The following FBRSL1 variants were observed in gnomAD, a reference collection of about 807,000 sequenced individuals.
The protein encoded by FBRSL1 is fibrosin like 1, also known as fibrosin-1-like protein.
Under a neutral mutation model 89.6 loss-of-function variants are expected in FBRSL1, and 51 were observed. The ratio of observed to expected loss-of-function variants is 0.57; its 90% confidence interval spans 0.45 to 0.72. The LOEUF (loss-of-function observed/expected upper bound fraction) is 0.72, where lower values mean the gene tolerates loss of function less well. Ranked by LOEUF, FBRSL1 falls within the 30% of genes least tolerant of loss-of-function variation. The pLI, the probability that FBRSL1 is intolerant of heterozygous loss-of-function variation, is 0.00. For missense variants in FBRSL1, 1,618 were observed against 1,451.8 expected, an observed-to-expected ratio of 1.11 and a Z score of -1.86; for synonymous variants, 779 against 681.1, an observed-to-expected ratio of 1.14 and a Z score of -2.24.
chr12:132,503,061 G>C (rs1027857643), intron 1 of FBRSL1, among the ~76,000 whole-genome samples: 2 of 151,918 alleles, frequency 1.3e-5, no homozygotes, highest in African/African-American at 4.8e-5. Flanking sequence ...GCTCCCAAGG[G>C]GTGGAGTGCA....
intron 3 of FBRSL1, 102 bp from the exon 4 acceptor site, chr12:132,527,851 G>A (rs2035932578): frequency 1.8e-6 from 2 of 1,109,862 alleles, no homozygotes; most frequent in Admixed American, 2.0e-5. Flanking sequence ...GGGCTGCGGG[G>A]CAGGGCTAAG....
At chr12:132,569,849 T>C in intron 6 of FBRSL1, 77 bp from the exon 7 acceptor site, 1 of 1,178,650 alleles carries the variant, frequency 8.5e-7, no homozygotes, top group South Asian at 2.2e-5. Flanking sequence ...ACCGGGCACG[T>C]ACCAGGGCTC....
At chr12:132,578,478 C>T (rs1463486509) in intron 15 of FBRSL1, among the ~76,000 whole-genome samples, 3 of 152,278 alleles carry the variant, frequency 2.0e-5, no homozygotes, top group Middle Eastern at 3.4e-3. Flanking sequence ...GGGCCGGTCT[C>T]GCTGTCTCAG....
chr12:132,497,480 C>T (rs1373635595), intron 1 of FBRSL1, among the ~76,000 whole-genome samples: 2 of 152,112 alleles, frequency 1.3e-5, no homozygotes, highest in African/African-American at 4.8e-5. Flanking sequence ...CCAGGAGTCC[C>T]TGAGTGACCC....
chr12:132,532,016 A>AG (rs1274431082), intron 4 of FBRSL1, among the ~76,000 whole-genome samples: 2 of 152,200 alleles, frequency 1.3e-5, no homozygotes, highest in East Asian at 3.9e-4. Context: ...CCAGCGTGGC[A>AG]GGGGGCTAGT....
At chr12:132,516,533 A>G (rs1201969254) in intron 2 of FBRSL1, among the ~76,000 whole-genome samples, 1 of 152,110 alleles carries the variant, frequency 6.6e-6, no homozygotes, top group Non-Finnish European at 1.5e-5. Flanking sequence ...CTGGATGTCC[A>G]CGTTTTCTGT....
At chr12:132,574,035 G>A (rs959024514) in intron 11 of FBRSL1, 55 bp from the exon 12 acceptor site, 24 of 1,160,386 alleles carry the variant, frequency 2.1e-5, no homozygotes, top group South Asian at 5.4e-5. Flanking sequence ...AGCCCGAGGC[G>A]TCCTCCTGCC....
intron 5 of FBRSL1, among the ~76,000 whole-genome samples, chr12:132,566,974 A>G (rs1227987748): frequency 1.3e-5 from 2 of 152,220 alleles, no homozygotes; most frequent in African/African-American, 4.8e-5. Flanking sequence ...GCGGACCCAC[A>G]TGTCCAGCCT....
chr12:132,561,751 G>A (rs1026790558), intron 5 of FBRSL1, among the ~76,000 whole-genome samples: 6 of 152,196 alleles, frequency 3.9e-5, no homozygotes, highest in African/African-American at 2.4e-5. Context: ...CAGAGACAGT[G>A]CAGCCCCTCA....
chr12:132,567,241 C>G (rs938145791), intron 5 of FBRSL1, among the ~76,000 whole-genome samples: 7 of 152,204 alleles, frequency 4.6e-5, no homozygotes, highest in Non-Finnish European at 5.9e-5. Context: ...CAGACCCCCT[C>G]TAGGAAGCCT....
intron 2 of FBRSL1, among the ~76,000 whole-genome samples, chr12:132,524,570 C>G (rs538527536): frequency 6.6e-6 from 1 of 152,362 alleles, no homozygotes; most frequent in East Asian, 1.9e-4. Context: ...GACGGGTTTC[C>G]CCGGGCTGGG....
chr12:132,574,785 C>G (rs1295580081), intron 14 of FBRSL1, among the ~76,000 whole-genome samples: 1 of 152,110 alleles, frequency 6.6e-6, no homozygotes, highest in South Asian at 2.1e-4. Context: ...GCAAGGCCCT[C>G]TCCTCGGCAA....
chr12:132,510,780 C>A (rs775377402), intron 2 of FBRSL1: 478 of 1,153,582 alleles, frequency 4.1e-4, no homozygotes, highest in Non-Finnish European at 4.6e-4. Context: ...GGTGTGCGTG[C>A]CCTGGGAGGG....
intron 1 of FBRSL1, among the ~76,000 whole-genome samples, chr12:132,492,581 G>T (rs1173579236): frequency 3.3e-5 from 5 of 152,348 alleles, no homozygotes; most frequent in African/African-American, 1.2e-4. Flanking sequence ...GAGATCCAGG[G>T]CCAATCCCAG....
chr12:132,507,976 C>G (rs976110197), intron 1 of FBRSL1, among the ~76,000 whole-genome samples, 177 bp from the exon 2 acceptor site: 39 of 152,294 alleles, frequency 2.6e-4, no homozygotes, highest in African/African-American at 8.4e-4. Flanking sequence ...CAGCATCTCA[C>G]CTGCCATCGT....
rs982358994 is a variant in FBRSL1 at position 132,571,538 on chromosome 12, C to T, written c.1377+307C>T. 4.3e-5 allele frequency: 63 copies of T among 1,466,792 alleles called. No individual in the cohort carries two copies. The Admixed American group carries it at 6.4e-4, about 15-fold the overall frequency. The allele number at this position is 1,466,792 out of a possible 1,614,324, so 90.9% of individuals were successfully genotyped here. A position where few individuals can be genotyped will look rare whatever the true frequency, so the allele number is the denominator to read the frequency against. On this transcript the variant is annotated intron_variant, in intron 9 of 18. Coordinates refer to ENST00000680143, the MANE Select transcript of FBRSL1 (RefSeq NM_001367871.1). ...GCACCCCCGCCGGTGCGTAGGCCCG[C>T]GTGCTGGCAGGGGGCGGGGGCGGGC...
intron 1 of FBRSL1, among the ~76,000 whole-genome samples, chr12:132,498,621 TC>T (rs904090756): frequency 7.9e-5 from 12 of 152,196 alleles, no homozygotes; most frequent in Non-Finnish European, 7.3e-5. Context: ...AATGTCCAGA[TC>T]CCCTGGGAGC....
rs572078213 is a variant in FBRSL1, at chr12:132,574,474, C to T, written c.1630-19C>T. 5.0e-5 allele frequency: 77 copies of T among 1,549,384 alleles called. No individual in the cohort carries two copies. The highest frequency in any genetic ancestry group is 1.7e-4 in the East Asian group (7 of 40,840). On this transcript the variant is annotated intron_variant, in intron 13 of 18. Transcript: ENST00000680143. ...TGGGGGTGGCACCAGCCCCACTGAG[C>T]GCTTCCATCCTGTCGCAGAAGCCGG...
At chr12:132,580,371 A>G (rs1228625855) in intron 15 of FBRSL1, among the ~76,000 whole-genome samples, 1 of 152,208 alleles carries the variant, frequency 6.6e-6, no homozygotes, top group Non-Finnish European at 1.5e-5. Context: ...TACAGGCGTG[A>G]GCCACTGCGC....
Sources: gnomAD v4.1 joint callset for allele counts (sites outside exome capture counted in the v4.1 genomes callset) on GRCh38, gnomAD v4.1.1 for gene constraint, MANE v1.5 for transcripts, NCBI Gene and HGNC (gene_info 2026-07-23, HGNC 2026-07-21) for gene names.